PPIL4: variants seen among roughly 807,000 people sequenced by gnomAD.
PPIL4 encodes peptidylprolyl isomerase like 4, also known as peptidyl-prolyl cis-trans isomerase-like 4.
A neutral mutation model predicts 69.1 loss-of-function variants in PPIL4; 50 were observed. That is an observed-to-expected ratio of 0.72 (90% CI 0.58 to 0.92). The LOEUF (loss-of-function observed/expected upper bound fraction) is 0.92, where lower values mean the gene tolerates loss of function less well. Ranked by LOEUF, PPIL4 falls within the 40% of genes least tolerant of loss-of-function variation. The pLI is 0.00. For synonymous variants in PPIL4, 193 were observed against 191.6 expected, an observed-to-expected ratio of 1.01 and a Z score of -0.06; for missense variants, 480 against 587.9, an observed-to-expected ratio of 0.82 and a Z score of 1.90.
At chr6:149,530,107 G>A (rs1472929587) in intron 7 of PPIL4, among the ~76,000 whole-genome samples, 1 of 152,116 alleles carries the variant, frequency 6.6e-6, no homozygotes, top group Non-Finnish European at 1.5e-5. Context: ...TCCACCGAAT[G>A]TACAACACAA....
At chr6:149,536,016 C>T (rs1294927383) in intron 4 of PPIL4, among the ~76,000 whole-genome samples, 8 of 152,310 alleles carry the variant, frequency 5.3e-5, no homozygotes, top group African/African-American at 1.2e-4. Context: ...ACAGCATAGG[C>T]TCACTTCATG....
In PPIL4 at chr6:149,534,933, G is replaced by A. The variant is rs1777252331; in HGVS notation, c.465-159C>T. ...TAACCTAGATATACTTTCACAATGAGTGTTACTGTTTTGCATTGAGTGATA... is the reference window on the plus strand; with the variant it reads ...TAACCTAGATATACTTTCACAATGAATGTTACTGTTTTGCATTGAGTGATA... On this transcript the variant is annotated intron_variant, in intron 5 of 12. Transcript: ENST00000253329. Among the ~76,000 whole-genome samples, 3 of 152,148 alleles carry A rather than the reference G, an allele frequency of 2.0e-5. No individual in the cohort carries two copies. The South Asian group carries it at 6.2e-4, about 32-fold the overall frequency.
At chr6:149,518,336 A>G (rs1263565207) in intron 10 of PPIL4, among the ~76,000 whole-genome samples, 1 of 152,212 alleles carries the variant, frequency 6.6e-6, no homozygotes, top group Non-Finnish European at 1.5e-5. Context: ...TGAGAATTCA[A>G]TTCGCATCCA....
chr6:149,507,217 T>C (rs566895317), intron 12 of PPIL4, among the ~76,000 whole-genome samples: 12 of 152,210 alleles, frequency 7.9e-5, no homozygotes, highest in Non-Finnish European at 1.5e-4. Flanking sequence ...TTATTAGTTA[T>C]TCCATATACT....
At chr6:149,506,694 A>G (rs1267661925) in intron 12 of PPIL4, among the ~76,000 whole-genome samples, 1 of 152,050 alleles carries the variant, frequency 6.6e-6, no homozygotes, top group Non-Finnish European at 1.5e-5. Flanking sequence ...CCCAGGCTCA[A>G]CCGATCCTTC....
chr6:149,535,681 C>T lies in PPIL4; in HGVS notation c.379G>A (p.Gly127Ser). 6.2e-7 allele frequency: 1 copy of T among 1,611,320 alleles called. No individual in the cohort carries two copies. The highest frequency in any genetic ancestry group is 1.1e-5 in the South Asian group (1 of 90,954). Residue 127 changes from glycine to serine, a missense_variant, in exon 5 of 13, where the codon GGT becomes AGT. Physicochemically the swap from Gly to Ser is moderately conservative, Grantham distance 56 (BLOSUM62 0). Transcript: ENST00000253329. ...DYLDGVHTVF[G>S]EVTEGMDIIK... ...ATGTCCATGCCTTCTGTCACCTCAC[C>T]AAACACCGTATGGACACCATCAAGA...
intron 11 of PPIL4, among the ~76,000 whole-genome samples, chr6:149,514,436 C>T (rs1776911966): frequency 6.6e-6 from 1 of 152,166 alleles, no homozygotes; most frequent in Non-Finnish European, 1.5e-5. Flanking sequence ...ATTCTCCTGC[C>T]TCAGCCTCCC....
At chr6:149,513,255 G>A (rs576978846) in intron 11 of PPIL4, among the ~76,000 whole-genome samples, 6 of 146,470 alleles carry the variant, frequency 4.1e-5, no homozygotes, top group East Asian at 4.0e-4. Context: ...GCATGGTGGC[G>A]CAACCTATAA....
intron 6 of PPIL4, 133 bp downstream of exon 6, chr6:149,534,545 G>T (rs947123145): frequency 1.2e-4 from 64 of 519,314 alleles, no homozygotes; most frequent in Admixed American, 4.0e-4. Context: ...AAAAGAAAAA[G>T]AACTCCAAAC....
chr6:149,525,361 CT>C lies in PPIL4; in HGVS notation c.804-153del, dbSNP rs1777091437. On this transcript the variant is annotated intron_variant, in intron 8 of 12. Transcript: ENST00000253329. ...TTTCCAAATTCATTTAATAACAATT[CT>C]TTTTTAAAAGTAGTTCACCAGAGCA... 3 of 519,512 alleles carry C rather than the reference CT, an allele frequency of 5.8e-6. No homozygotes were observed. In the East Asian group the frequency reaches 9.6e-5, roughly 17 times the overall value. 32.2% of individuals were successfully genotyped at this position (519,512 alleles called of 1,614,324 possible). A position where few individuals can be genotyped will look rare whatever the true frequency, so the allele number is the denominator to read the frequency against.
intron 10 of PPIL4, among the ~76,000 whole-genome samples, chr6:149,518,745 C>T (rs1776983787): frequency 2.0e-5 from 3 of 152,204 alleles, no homozygotes; most frequent in Admixed American, 2.0e-4. Flanking sequence ...ATGGATGAAG[C>T]AGTTACCGTA....
chr6:149,515,139 A>ATT (rs60680973), intron 11 of PPIL4, among the ~76,000 whole-genome samples: 15 of 138,298 alleles, frequency 1.1e-4, no homozygotes, highest in African/African-American at 3.2e-4. Context: ...CACCCAGCCA[A>ATT]TTTTTTTTTT....
In PPIL4 at chr6:149,511,670, T is replaced by A. The variant is rs113581898; in HGVS notation, c.1227+485A>T. Among the ~76,000 whole-genome samples the A allele has an allele frequency of 1.5e-3, 232 of 152,338 alleles. 1 individual carries two copies. Among genetic ancestry groups the A allele is most frequent in the African/African-American group, 5.0e-3 (207 of 41,586 alleles). On this transcript the variant is annotated intron_variant, in intron 12 of 12. Coordinates refer to ENST00000253329, the MANE Select transcript of PPIL4 (RefSeq NM_139126.4). ...TTTTCTTTGGGGAATTTTTATTATT[T>A]TTTTTAAATGTGCTGTTCAGGAGAG...
At chr6:149,515,026 C>A (rs909902566) in intron 11 of PPIL4, among the ~76,000 whole-genome samples, 1 of 151,840 alleles carries the variant, frequency 6.6e-6, no homozygotes, top group Non-Finnish European at 1.5e-5. Flanking sequence ...TTAGTAGAGA[C>A]GGAGTTTCTG....
At chr6:149,537,504 A>C (rs1010787549) in intron 4 of PPIL4, among the ~76,000 whole-genome samples, 4 of 151,964 alleles carry the variant, frequency 2.6e-5, no homozygotes, top group South Asian at 4.1e-4. Context: ...TCAGGAGATC[A>C]AGACCATCCT....
In PPIL4 at chr6:149,545,930, C is replaced by A; in HGVS notation, c.70+6G>T. 1 of 1,582,654 alleles carries A rather than the reference C, an allele frequency of 6.3e-7. No homozygotes were observed. Among genetic ancestry groups the A allele is most frequent in the African/African-American group, 1.3e-5 (1 of 74,320 alleles). On this transcript the variant is annotated splice_donor_region_variant and intron_variant, in intron 1 of 12. Coordinates refer to ENST00000253329, the MANE Select transcript of PPIL4 (RefSeq NM_139126.4). The stretch of plus-strand genomic sequence containing the variant: ...CGGCGACAGGTGAGTGGGGCTCAAG[C>A]CTCACCACGCGGCCGTTCTTCGGTG...
At chr6:149,542,426 T>C (rs558590400) in intron 1 of PPIL4, among the ~76,000 whole-genome samples, 2 of 152,322 alleles carry the variant, frequency 1.3e-5, no homozygotes, top group South Asian at 4.1e-4. Context: ...ACAAATGCCA[T>C]TAAACTGTGG....
chr6:149,532,571 C>T (rs9377224), intron 7 of PPIL4, among the ~76,000 whole-genome samples: 1 of 151,918 alleles, frequency 6.6e-6, no homozygotes, highest in African/African-American at 2.4e-5. Flanking sequence ...ACTATACAGC[C>T]TTTACTATTT....
At chr6:149,524,729 G>T (rs1241035230) in intron 9 of PPIL4, among the ~76,000 whole-genome samples, 1 of 152,062 alleles carries the variant, frequency 6.6e-6, no homozygotes, top group Non-Finnish European at 1.5e-5. Flanking sequence ...GTGAAACCCT[G>T]TCTCTACTAA....
Sources: allele counts gnomAD v4.1 joint callset (sites outside exome capture counted in the v4.1 genomes callset), GRCh38; gene constraint gnomAD v4.1.1; transcripts MANE v1.5; gene names NCBI Gene and HGNC (gene_info 2026-07-23, HGNC 2026-07-21).